CTIF: variants seen among roughly 807,000 people sequenced by gnomAD.
The protein encoded by CTIF is CBP80/20-dependent translation initiation factor.
Under a neutral mutation model 66.0 loss-of-function variants are expected in CTIF, and 21 were observed. The observed-to-expected ratio is 0.32, with a 90% CI of 0.23 to 0.46. The LOEUF (loss-of-function observed/expected upper bound fraction) is 0.46, where lower values mean the gene tolerates loss of function less well. Among genes scored for constraint, CTIF ranks in the 20% least tolerant of loss-of-function variants. The probability of loss-of-function intolerance (pLI) is 1.00; values close to 1 mark genes in which losing one functional copy is unlikely to be tolerated. For missense variants in CTIF, 739 were observed against 812.7 expected (o/e 0.91, Z 1.10); for synonymous variants, 345 against 326.4 (o/e 1.06, Z -0.62).
At position 48,855,165 on chromosome 18, in the gene CTIF, C is replaced by T. The variant is rs77274434; in HGVS notation, c.1528-2423C>T. 5.5e-4 allele frequency among the ~76,000 whole-genome samples: 83 copies of T among 152,242 alleles called. No homozygotes were observed. In the East Asian group the frequency reaches 8.7e-3, roughly 16 times the overall value. ...CTGTGCTGCTTTCGAAGTGCCACCTCGGCATCTCTCTACAGTGTGATCAAG... is the reference window on the plus strand; with the variant it reads ...CTGTGCTGCTTTCGAAGTGCCACCTTGGCATCTCTCTACAGTGTGATCAAG... On this transcript the variant is annotated intron_variant, in intron 10 of 11. Transcript: ENST00000256413.
intron 1 of CTIF, among the ~76,000 whole-genome samples, chr18:48,606,986 G>T (rs2090213781): frequency 6.6e-6 from 1 of 152,180 alleles, no homozygotes; most frequent in Non-Finnish European, 1.5e-5. Flanking sequence ...TATTTGGGGG[G>T]AGTCGTTTAT....
rs377178616 is a variant in CTIF at position 48,711,710 on chromosome 18, G to C, written c.584+15G>C. The C allele has an allele frequency of 6.2e-7, 1 of 1,610,392 alleles. No homozygotes were observed. Among genetic ancestry groups the C allele is most frequent in the Non-Finnish European group, 8.5e-7 (1 of 1,176,706 alleles). ...AATGATCGAAGGTAGGAGAGACTTCGTCGTGAGCTTTGGGTTTTCCTTTCC... is the reference window on the plus strand; with the variant it reads ...AATGATCGAAGGTAGGAGAGACTTCCTCGTGAGCTTTGGGTTTTCCTTTCC... On this transcript the variant is annotated intron_variant, in intron 7 of 11. Transcript: ENST00000256413.
intron 6 of CTIF, among the ~76,000 whole-genome samples, chr18:48,680,173 T>C (rs1362680495): frequency 1.3e-5 from 2 of 152,162 alleles, no homozygotes; most frequent in Admixed American, 6.5e-5. Flanking sequence ...GGAAGAAGTT[T>C]TGTTATTTGT....
rs1909008400 is a variant in CTIF at position 48,761,656 on chromosome 18, C to T, written c.1338C>T (p.Thr446=). The T allele has an allele frequency of 6.2e-7, 1 of 1,612,900 alleles. No homozygotes were observed. The highest frequency in any genetic ancestry group is 2.2e-5 in the East Asian group (1 of 44,864). The change falls in exon 9 of 12, where the codon ACC becomes ACT. Residue 446 remains threonine (T), a synonymous_variant. Transcript: ENST00000256413. This position sits in a 1 kb window ranked among gnomAD's most constrained non-coding sequence, Gnocchi z 4.2. ...TGGCGCTCTTTATGGTGGAGGGGAC[C>T]AAGTTCCGGAGCCTGCTCCTCAACA... is the stretch of plus-strand genomic sequence containing the variant. ...DKMALFMVEG[T]KFRSLLLNML...
chr18:48,578,384 C>T (rs974719862), intron 1 of CTIF, among the ~76,000 whole-genome samples: 1 of 152,158 alleles, frequency 6.6e-6, no homozygotes. Flanking sequence ...CTATATTAAC[C>T]TTTTGAAGAA....
intron 7 of CTIF, among the ~76,000 whole-genome samples, chr18:48,752,224 T>C (rs1349180679): frequency 1.3e-5 from 2 of 151,966 alleles, no homozygotes; most frequent in Non-Finnish European, 2.9e-5. Flanking sequence ...AGTGGGGGAG[T>C]CTGCAGCTTG....
chr18:48,679,698 A>C (rs1322939635), intron 6 of CTIF, among the ~76,000 whole-genome samples: 1 of 152,116 alleles, frequency 6.6e-6, no homozygotes, highest in Non-Finnish European at 1.5e-5. Flanking sequence ...CACCTCCTGC[A>C]TGAAACTATT....
chr18:48,758,079 C>T lies in CTIF; in HGVS notation c.745C>T (p.Arg249Cys), dbSNP rs529167870. The change falls in exon 8 of 12, where the codon CGC (arginine) becomes TGC (cysteine). Residue 249 changes from arginine to cysteine, a missense_variant. Coordinates refer to ENST00000256413, the MANE Select transcript of CTIF (RefSeq NM_014772.3). ...PTHHGYSQNR[R>C]WHHGNMKHPP... ...TCACCATGGCTACAGCCAGAACCGG[C>T]GCTGGCACCATGGCAACATGAAGCA... 9 of 1,614,094 alleles carry T rather than the reference C, an allele frequency of 5.6e-6. No homozygotes were observed. Among genetic ancestry groups the T allele is most frequent in the African/African-American group, 4.0e-5 (3 of 75,022 alleles).
intron 1 of CTIF, among the ~76,000 whole-genome samples, chr18:48,576,400 C>A (rs1384832292): frequency 1.3e-5 from 2 of 152,190 alleles, no homozygotes; most frequent in East Asian, 3.9e-4. Flanking sequence ...CCAGTGAAGT[C>A]CCTTCTTGAG....
chr18:48,715,970 G>A (rs1008045872), intron 7 of CTIF, among the ~76,000 whole-genome samples: 3 of 152,204 alleles, frequency 2.0e-5, no homozygotes, highest in African/African-American at 7.2e-5. Context: ...CATCAGGCAG[G>A]GACTGCCCAA....
At chr18:48,541,017 G>A (rs994354196) in intron 1 of CTIF, among the ~76,000 whole-genome samples, 1 of 152,146 alleles carries the variant, frequency 6.6e-6, no homozygotes, top group Non-Finnish European at 1.5e-5. Context: ...GGCAGACTGG[G>A]GGTCCACCCG....
intron 10 of CTIF, among the ~76,000 whole-genome samples, chr18:48,819,566 A>G (rs28660223): frequency 0.38 from 57,294 of 152,044 alleles, 11,946 homozygotes; most frequent in African/African-American, 0.55. Flanking sequence ...CAAATATTCC[A>G]GTGTGAGATC....
chr18:48,777,305 A>C lies in CTIF; in HGVS notation c.1371+15616A>C, dbSNP rs534750693. On this transcript the variant is annotated intron_variant, in intron 9 of 11. Coordinates refer to ENST00000256413, the MANE Select transcript of CTIF (RefSeq NM_014772.3). ...TTCCTGCCTGCGGCCACCTCCCAGC[A>C]TCTTGGCATCCTGGGGGCTGTCCCA... is the stretch of plus-strand genomic sequence containing the variant. Among the ~76,000 whole-genome samples the C allele has an allele frequency of 7.2e-5, 11 of 152,326 alleles. No individual in the cohort carries two copies. The South Asian group carries it at 2.3e-3, about 32-fold the overall frequency.
At chr18:48,540,835 CGTGTGT>C (rs2088594174) in intron 1 of CTIF, among the ~76,000 whole-genome samples, 1 of 151,882 alleles carries the variant, frequency 6.6e-6, no homozygotes, top group Non-Finnish European at 1.5e-5. Flanking sequence ...AAGTCGGGGT[CGTGTGT>C]CCCCGCGCGC....
intron 10 of CTIF, among the ~76,000 whole-genome samples, chr18:48,846,483 A>T (rs1322038770): frequency 6.6e-6 from 1 of 150,570 alleles, no homozygotes; most frequent in African/African-American, 2.5e-5. Context: ...GGGTAGATAG[A>T]TGGATGAAAG....
At chr18:48,826,790 A>G (rs1353478696) in intron 10 of CTIF, 2 of 152,252 alleles carry the variant, frequency 1.3e-5, no homozygotes, top group East Asian at 1.9e-4. Flanking sequence ...GAAGTTTCCT[A>G]GTAGTACCAG....
At chr18:48,787,468 C>T (rs1911817468) in intron 9 of CTIF, among the ~76,000 whole-genome samples, 1 of 152,168 alleles carries the variant, frequency 6.6e-6, no homozygotes, top group Admixed American at 6.5e-5. Context: ...AATCATCTGC[C>T]TGCAGGTTGC....
intron 2 of CTIF, among the ~76,000 whole-genome samples, chr18:48,632,465 C>T (rs1053326572): frequency 6.6e-6 from 1 of 152,162 alleles, no homozygotes; most frequent in African/African-American, 2.4e-5. Context: ...GCCTGCTGCT[C>T]ATCTGTTCCA....
chr18:48,852,661 T>A (rs1183350395), intron 10 of CTIF, among the ~76,000 whole-genome samples: 1 of 152,218 alleles, frequency 6.6e-6, no homozygotes, highest in African/African-American at 2.4e-5. Context: ...CACATGGGCA[T>A]ACTGTAACTA....
Sources: allele counts gnomAD v4.1 joint callset (sites outside exome capture counted in the v4.1 genomes callset), GRCh38; gene constraint gnomAD v4.1.1; non-coding constraint Gnocchi (gnomAD v3.1); transcripts MANE v1.5; gene names NCBI Gene and HGNC (gene_info 2026-07-23, HGNC 2026-07-21).